DENND1A: variants seen among roughly 807,000 people sequenced by gnomAD.
DENND1A encodes the protein DENN domain containing 1A.
Under a neutral mutation model 113.7 loss-of-function variants are expected in DENND1A, and 51 were observed. That is an observed-to-expected ratio of 0.45 (90% CI 0.36 to 0.57). The LOEUF (loss-of-function observed/expected upper bound fraction) is 0.57. DENND1A is among the 20% of genes least tolerant of loss of function. The pLI is 0.00. For missense variants in DENND1A, 1,258 were observed against 1,395.9 expected (o/e 0.90, Z 1.57); for synonymous variants, 565 against 570.8 (o/e 0.99, Z 0.14).
intron 19 of DENND1A, among the ~76,000 whole-genome samples, chr9:123,418,766 T>C (rs1203473479): frequency 6.6e-6 from 1 of 152,206 alleles, no homozygotes; most frequent in Non-Finnish European, 1.5e-5. Flanking sequence ...CTGCTACCCA[T>C]TTCACAGATG....
chr9:123,919,789 C>A (rs7029033), intron 1 of DENND1A, among the ~76,000 whole-genome samples: 3 of 147,984 alleles, frequency 2.0e-5, no homozygotes, highest in Admixed American at 1.4e-4. Flanking sequence ...GGCTGAGGCA[C>A]GAGAATCACT....
chr9:123,463,164 G>GT (rs1219313716), intron 13 of DENND1A, among the ~76,000 whole-genome samples: 1 of 152,214 alleles, frequency 6.6e-6, no homozygotes, highest in African/African-American at 2.4e-5. Context: ...AATTCAGGCC[G>GT]TGAGTGTTCA....
chr9:123,538,484 G>C (rs182361988), intron 13 of DENND1A, among the ~76,000 whole-genome samples: 2 of 151,858 alleles, frequency 1.3e-5, no homozygotes, highest in African/African-American at 2.4e-5. Context: ...TCCAGGTTTG[G>C]GGGTAGGATG....
At chr9:123,903,188 C>A (rs1020599221) in intron 1 of DENND1A, among the ~76,000 whole-genome samples, 4 of 150,760 alleles carry the variant, frequency 2.7e-5, no homozygotes, top group African/African-American at 4.9e-5. Flanking sequence ...AAAAATTAGC[C>A]GGGCATAGTG....
rs539107954 is a variant in DENND1A at position 123,450,407 on chromosome 9, C to T, written c.1356+286G>A. Among the ~76,000 whole-genome samples the T allele has an allele frequency of 1.5e-4, 23 of 152,332 alleles. 2 individuals carry two copies. In the South Asian group the frequency reaches 4.1e-3, roughly 27 times the overall value. ...AACACCAAGCCAATTTCTACAGACG[C>T]CTGTGAACTCAGGCCTGGTGGGGTG... On this transcript the variant is annotated intron_variant, in intron 18 of 23. Coordinates refer to ENST00000394215, the MANE Select transcript of DENND1A (RefSeq NM_001352964.2).
chr9:123,739,684 C>T (rs1427979226), intron 5 of DENND1A, among the ~76,000 whole-genome samples: 1 of 151,870 alleles, frequency 6.6e-6, no homozygotes, highest in East Asian at 1.9e-4. Context: ...GAGGAGAGTA[C>T]AAGAAAGATC....
At chr9:123,524,466 G>A (rs947176922) in intron 13 of DENND1A, among the ~76,000 whole-genome samples, 1 of 152,134 alleles carries the variant, frequency 6.6e-6, no homozygotes, top group Non-Finnish European at 1.5e-5. Flanking sequence ...AAGGCGGCAG[G>A]GTGTAAGACA....
chr9:123,582,286 G>C (rs989348379), intron 12 of DENND1A, among the ~76,000 whole-genome samples: 1 of 152,198 alleles, frequency 6.6e-6, no homozygotes, highest in Non-Finnish European at 1.5e-5. Flanking sequence ...GAGAGCTGGC[G>C]AGACTCTCAG....
chr9:123,662,211 C>A (rs1430319234), intron 8 of DENND1A, among the ~76,000 whole-genome samples: 2 of 152,198 alleles, frequency 1.3e-5, no homozygotes, highest in Non-Finnish European at 2.9e-5. Context: ...GGAGAAACAT[C>A]TTCAAAGTTG....
intron 13 of DENND1A, among the ~76,000 whole-genome samples, chr9:123,513,754 C>T (rs530979360): frequency 6.6e-6 from 1 of 152,288 alleles, no homozygotes; most frequent in East Asian, 1.9e-4. Flanking sequence ...ACAGGCTGGG[C>T]TGGTCAATCC....
At chr9:123,871,447 C>G (rs1415150556) in intron 2 of DENND1A, among the ~76,000 whole-genome samples, 1 of 152,120 alleles carries the variant, frequency 6.6e-6, no homozygotes, top group Non-Finnish European at 1.5e-5. Flanking sequence ...CCATTGTGAT[C>G]ACAGATATTC....
At chr9:123,635,048 G>C (rs1056413255) in intron 9 of DENND1A, among the ~76,000 whole-genome samples, 2 of 152,096 alleles carry the variant, frequency 1.3e-5, no homozygotes, top group Non-Finnish European at 2.9e-5. Flanking sequence ...CATGAACGGA[G>C]AGTGATCAAT....
At chr9:123,565,345 C>T (rs989421703) in intron 12 of DENND1A, among the ~76,000 whole-genome samples, 15 of 152,206 alleles carry the variant, frequency 9.9e-5, no homozygotes, top group African/African-American at 3.4e-4. Context: ...GGAACCATGT[C>T]CACCCTCAGT....
intron 19 of DENND1A, among the ~76,000 whole-genome samples, chr9:123,418,877 C>T (rs1387989258): frequency 1.3e-5 from 2 of 152,198 alleles, no homozygotes; most frequent in Non-Finnish European, 2.9e-5. Flanking sequence ...TGGGCTGGGG[C>T]AGGGGTGCTA....
At chr9:123,878,802 G>A (rs1847894584) in intron 2 of DENND1A, 149 bp downstream of exon 2, 1 of 678,826 alleles carries the variant, frequency 1.5e-6, no homozygotes, top group Non-Finnish European at 2.5e-6. Flanking sequence ...ATTCTTCCTA[G>A]GATAATGTGA....
chr9:123,905,174 A>C (rs1852538731), intron 1 of DENND1A, among the ~76,000 whole-genome samples: 3 of 152,062 alleles, frequency 2.0e-5, no homozygotes, highest in South Asian at 2.1e-4. Flanking sequence ...TTTTGTCACC[A>C]CCAGGCCTGC....
At chr9:123,625,215 C>A (rs974745773) in intron 10 of DENND1A, among the ~76,000 whole-genome samples, 1 of 152,158 alleles carries the variant, frequency 6.6e-6, no homozygotes, top group African/African-American at 2.4e-5. Context: ...GCTCTTGGGG[C>A]CTTGGTCTAC....
intron 5 of DENND1A, among the ~76,000 whole-genome samples, chr9:123,737,139 T>C (rs971487052): frequency 1.5e-4 from 23 of 152,214 alleles, no homozygotes; most frequent in Admixed American, 1.4e-3. Flanking sequence ...GCATCTCATA[T>C]GGAATATATT....
chr9:123,410,933 C>T (rs531135023), intron 20 of DENND1A, among the ~76,000 whole-genome samples: 3 of 149,648 alleles, frequency 2.0e-5, no homozygotes, highest in South Asian at 2.3e-4. Flanking sequence ...TCAGCATGGC[C>T]GGAGTCTGAC....
Sources: allele counts gnomAD v4.1 joint callset (sites outside exome capture counted in the v4.1 genomes callset), GRCh38; gene constraint gnomAD v4.1.1; transcripts MANE v1.5; gene names NCBI Gene and HGNC (gene_info 2026-07-23, HGNC 2026-07-21).